Variants in SUGCT observed in about 807,000 individuals in gnomAD.
SUGCT encodes succinyl-CoA:glutarate-CoA transferase, also known as succinyl-CoA:glutarate CoA-transferase.
A neutral mutation model predicts 55.0 loss-of-function variants in SUGCT; 41 were observed. That is an observed-to-expected ratio of 0.74 (90% CI 0.58 to 0.97). The LOEUF (loss-of-function observed/expected upper bound fraction) is 0.97. Among genes scored for constraint, SUGCT ranks in the 50% least tolerant of loss-of-function variants. SUGCT has a pLI of 0.00. For synonymous variants in SUGCT, 187 were observed against 200.4 expected, an observed-to-expected ratio of 0.93 and a Z score of 0.56; for missense variants, 568 against 547.8, an observed-to-expected ratio of 1.04 and a Z score of -0.37.
intron 11 of SUGCT, among the ~76,000 whole-genome samples, chr7:40,466,397 C>T (rs527457551): frequency 6.6e-6 from 1 of 152,312 alleles, no homozygotes; most frequent in Non-Finnish European, 1.5e-5. Context: ...ATCTCACTAC[C>T]TGCTATCAGT....
At chr7:40,274,691 A>G (rs760331722) in intron 8 of SUGCT, 35 bp downstream of exon 8, 1 of 1,600,682 alleles carries the variant, frequency 6.2e-7, no homozygotes, top group Admixed American at 1.7e-5. Context: ...ATAATGTTAT[A>G]AAAACTGTGT....
chr7:40,948,678 C>G, the SUGCT span, among the ~76,000 whole-genome samples: 1 of 150,764 alleles, frequency 6.6e-6, no homozygotes, highest in Non-Finnish European at 1.5e-5. Flanking sequence ...TTGTTCAACT[C>G]CCACTTATTA....
At chr7:40,862,251 A>G (rs371251245), downstream of SUGCT, among the ~76,000 whole-genome samples, 9 of 147,108 alleles carry the variant, frequency 6.1e-5, no homozygotes, top group African/African-American at 1.2e-4. Context: ...TTCAGACATG[A>G]CACAGTCAAT....
chr7:40,287,488 TC>T (rs1376080031), intron 8 of SUGCT, among the ~76,000 whole-genome samples: 26 of 150,184 alleles, frequency 1.7e-4, no homozygotes, highest in South Asian at 4.2e-4. Context: ...CTGTGTTTTT[TC>T]CCTTGATACT....
At chr7:40,655,293 C>CA (rs148915118) in intron 12 of SUGCT, among the ~76,000 whole-genome samples, 30,514 of 150,676 alleles carry the variant, frequency 0.2, 6,028 homozygotes, top group African/African-American at 0.52. Context: ...GATCCTGTCT[C>CA]AAAAAAAAAT....
At chr7:40,438,051 T>G (rs1457611302) in intron 9 of SUGCT, among the ~76,000 whole-genome samples, 2 of 152,160 alleles carry the variant, frequency 1.3e-5, no homozygotes, top group Non-Finnish European at 2.9e-5. Context: ...TGACATGGAC[T>G]TCTGAAACCC....
intron 12 of SUGCT, among the ~76,000 whole-genome samples, chr7:40,725,426 C>A (rs760252220): frequency 2.0e-5 from 3 of 152,096 alleles, no homozygotes; most frequent in Non-Finnish European, 2.9e-5. Context: ...TTCCGTGAAC[C>A]CTTGCCCACT....
intron 1 of SUGCT, among the ~76,000 whole-genome samples, chr7:40,141,612 CGACA>C (rs1045998757): frequency 5.0e-5 from 7 of 141,404 alleles, no homozygotes; most frequent in African/African-American, 1.9e-4. Flanking sequence ...CTAGCCTGGG[CGACA>C]GACAGTGCAA....
intron 11 of SUGCT, among the ~76,000 whole-genome samples, chr7:40,459,991 A>G (rs908121550): frequency 6.6e-6 from 1 of 152,148 alleles, no homozygotes; most frequent in Non-Finnish European, 1.5e-5. Context: ...TTTCTTTTAT[A>G]TTGAAAATTT....
At chr7:40,433,680 G>A (rs1788027005) in intron 9 of SUGCT, among the ~76,000 whole-genome samples, 1 of 152,172 alleles carries the variant, frequency 6.6e-6, no homozygotes, top group South Asian at 2.1e-4. Flanking sequence ...TCAGTTGCAT[G>A]ATGTATAGAG....
At chr7:40,747,438 C>T (rs1787789286) in intron 12 of SUGCT, among the ~76,000 whole-genome samples, 1 of 152,138 alleles carries the variant, frequency 6.6e-6, no homozygotes, top group South Asian at 2.1e-4. Flanking sequence ...AGTGAGAAAA[C>T]ATTTTATTAC....
the SUGCT span, among the ~76,000 whole-genome samples, chr7:40,872,184 C>G: frequency 1.3e-5 from 2 of 152,158 alleles, no homozygotes; most frequent in African/African-American, 4.8e-5. Flanking sequence ...CTAGAGGAAG[C>G]TAATCCTTCA....
chr7:40,431,828 T>C (rs1413530407), intron 9 of SUGCT, among the ~76,000 whole-genome samples: 1 of 152,222 alleles, frequency 6.6e-6, no homozygotes, highest in African/African-American at 2.4e-5. Flanking sequence ...TAATTTGTTA[T>C]TTGTGTATAA....
At chr7:40,616,768 G>A (rs1799022782) in intron 12 of SUGCT, among the ~76,000 whole-genome samples, 1 of 152,214 alleles carries the variant, frequency 6.6e-6, no homozygotes, top group South Asian at 2.1e-4. Context: ...GTGGGGTTCA[G>A]TCCCCTTCCC....
At chr7:40,567,196 T>G (rs1584002203) in intron 12 of SUGCT, among the ~76,000 whole-genome samples, 2 of 152,264 alleles carry the variant, frequency 1.3e-5, no homozygotes, top group African/African-American at 4.8e-5. Context: ...AAAAGTGTAT[T>G]GATTTTTCTG....
intron 9 of SUGCT, 129 bp downstream of exon 9, chr7:40,316,984 T>C: frequency 2.3e-6 from 1 of 439,342 alleles, no homozygotes; most frequent in Non-Finnish European, 4.0e-6. Flanking sequence ...GTAATGTATC[T>C]GTGTCTGGCT....
chr7:40,277,677 G>GTTATTATTATTATTATTA (rs55772430), intron 8 of SUGCT, among the ~76,000 whole-genome samples: 2,259 of 144,874 alleles, frequency 0.016, 37 homozygotes, highest in African/African-American at 0.045. Context: ...TGTTCTTTTT[G>GTTATTATTATTATTATTA]TTATTATTAT....
At chr7:40,404,104 A>G (rs142586843) in intron 9 of SUGCT, among the ~76,000 whole-genome samples, 1 of 152,234 alleles carries the variant, frequency 6.6e-6, no homozygotes, top group South Asian at 2.1e-4. Flanking sequence ...CAGGTCACTT[A>G]GGAATGGAAG....
chr7:40,565,749 C>G (rs1289744438), intron 12 of SUGCT, among the ~76,000 whole-genome samples: 1 of 152,158 alleles, frequency 6.6e-6, no homozygotes, highest in East Asian at 1.9e-4. Flanking sequence ...GCCTCACTGA[C>G]CCCTTTGATG....
Sources: gnomAD v4.1 joint callset for allele counts (sites outside exome capture counted in the v4.1 genomes callset) on GRCh38, gnomAD v4.1.1 for gene constraint, MANE v1.5 for transcripts, NCBI Gene and HGNC (gene_info 2026-07-23, HGNC 2026-07-21) for gene names.